Variants in DLG2 observed in about 807,000 individuals in gnomAD.
The protein encoded by DLG2 is discs large MAGUK scaffold protein 2, also known as disks large homolog 2.
DLG2 carries 45 observed loss-of-function variants against 132.5 expected under a neutral mutation model. The observed-to-expected ratio is 0.34, with a 90% confidence interval of 0.27 to 0.44. The LOEUF (loss-of-function observed/expected upper bound fraction) is 0.44. Among genes scored for constraint, DLG2 ranks in the 20% least tolerant of loss-of-function variants. The pLI is 1.00. For missense variants in DLG2, 1,045 were observed against 1,196.9 expected, an observed-to-expected ratio of 0.87 and a Z score of 1.87; for synonymous variants, 424 against 419.6, an observed-to-expected ratio of 1.01 and a Z score of -0.13.
At chr11:85,048,103 CT>C (rs984434132) in intron 6 of DLG2, among the ~76,000 whole-genome samples, 39 of 151,696 alleles carry the variant, frequency 2.6e-4, no homozygotes, top group African/African-American at 9.2e-4. Flanking sequence ...AGAGCAATAC[CT>C]TTTTTTGACC....
chr11:83,481,401 G>A (rs1467901969), intron 22 of DLG2, among the ~76,000 whole-genome samples: 2 of 151,720 alleles, frequency 1.3e-5, no homozygotes, highest in African/African-American at 4.8e-5. Flanking sequence ...GTGACTATTT[G>A]ATTTCTGAAG....
intron 13 of DLG2, among the ~76,000 whole-genome samples, chr11:83,963,510 T>G (rs2089409716): frequency 1.3e-5 from 2 of 151,894 alleles, no homozygotes; most frequent in Non-Finnish European, 2.9e-5. Flanking sequence ...TCATTCCTCC[T>G]TCCTAATGTA....
intron 6 of DLG2, among the ~76,000 whole-genome samples, chr11:84,987,732 C>T (rs1663126309): frequency 6.6e-6 from 1 of 152,136 alleles, no homozygotes; most frequent in African/African-American, 2.4e-5. Flanking sequence ...GAGAATGAAA[C>T]TGGATCCTCA....
At chr11:83,934,369 A>G (rs1352015917) in intron 14 of DLG2, among the ~76,000 whole-genome samples, 1 of 152,174 alleles carries the variant, frequency 6.6e-6, no homozygotes, top group African/African-American at 2.4e-5. Flanking sequence ...TATTTTGTTC[A>G]TTATAAATTC....
At chr11:83,556,886 A>G (rs1183195797) in intron 19 of DLG2, among the ~76,000 whole-genome samples, 1 of 152,214 alleles carries the variant, frequency 6.6e-6, no homozygotes, top group East Asian at 1.9e-4. Flanking sequence ...AACCAGAGGT[A>G]AAAGGCATTC....
intron 11 of DLG2, among the ~76,000 whole-genome samples, chr11:84,033,755 C>T (rs1250111330): frequency 7.2e-5 from 11 of 152,154 alleles, no homozygotes; most frequent in Admixed American, 3.3e-4. Context: ...TTGCCACAGC[C>T]GGGCCGGGCG....
At chr11:83,910,513 G>A (rs1385029207) in intron 15 of DLG2, among the ~76,000 whole-genome samples, 1 of 152,072 alleles carries the variant, frequency 6.6e-6, no homozygotes, top group Non-Finnish European at 1.5e-5. Context: ...ATGGTAGAAT[G>A]ACTGCATTTA....
chr11:84,575,412 T>C (rs1322245495), intron 6 of DLG2, among the ~76,000 whole-genome samples: 1 of 152,136 alleles, frequency 6.6e-6, no homozygotes. Flanking sequence ...TCAAACTTAG[T>C]TCCAACATGG....
At chr11:83,805,113 C>A (rs914019661) in intron 17 of DLG2, among the ~76,000 whole-genome samples, 2 of 152,072 alleles carry the variant, frequency 1.3e-5, no homozygotes, top group African/African-American at 4.8e-5. Context: ...ACATGGACCA[C>A]CAGATCTCTT....
chr11:83,960,636 ATTT>A (rs34317339), intron 14 of DLG2, among the ~76,000 whole-genome samples: 20,374 of 146,062 alleles, frequency 0.14, 1,705 homozygotes, highest in African/African-American at 0.23. Flanking sequence ...TGATTTACAC[ATTT>A]TTTTTTTTTG....
chr11:85,094,419 T>C (rs971393114), intron 6 of DLG2, among the ~76,000 whole-genome samples: 3 of 152,220 alleles, frequency 2.0e-5, no homozygotes, highest in African/African-American at 7.2e-5. Flanking sequence ...CTTCTTTCAT[T>C]AGAAGACTTT....
chr11:85,045,497 C>A (rs553417459), intron 6 of DLG2, among the ~76,000 whole-genome samples: 2 of 152,018 alleles, frequency 1.3e-5, no homozygotes, highest in South Asian at 4.2e-4. Flanking sequence ...CCTAAATTTT[C>A]ATTACTGTAA....
intron 7 of DLG2, among the ~76,000 whole-genome samples, chr11:84,512,031 T>C (rs910978168): frequency 4.6e-5 from 7 of 152,162 alleles, no homozygotes; most frequent in African/African-American, 1.7e-4. Context: ...AAACTTAGTT[T>C]TGAATTCCTC....
At chr11:85,350,205 G>A (rs375441463) in intron 3 of DLG2, among the ~76,000 whole-genome samples, 36 of 152,182 alleles carry the variant, frequency 2.4e-4, no homozygotes, top group East Asian at 9.6e-4. Flanking sequence ...CTACATAGAC[G>A]TCTTCTTTTG....
intron 3 of DLG2, among the ~76,000 whole-genome samples, chr11:85,357,607 C>CTGAATAA (rs1398431203): frequency 7.1e-6 from 1 of 140,704 alleles, no homozygotes; most frequent in East Asian, 2.1e-4. Flanking sequence ...TCAATAGTGG[C>CTGAATAA]TAAATTTATT....
chr11:83,588,293 G>C (rs1318774113), intron 19 of DLG2, among the ~76,000 whole-genome samples: 2 of 150,418 alleles, frequency 1.3e-5, no homozygotes, highest in East Asian at 1.9e-4. Flanking sequence ...ATCTGAGAAC[G>C]GGCAGACTGC....
intron 3 of DLG2, among the ~76,000 whole-genome samples, chr11:85,502,989 T>TA (rs935286394): frequency 6.6e-6 from 1 of 151,850 alleles, no homozygotes; most frequent in Non-Finnish European, 1.5e-5. Context: ...TATATACCAA[T>TA]AAAAAATGAA....
At chr11:83,513,792 T>G (rs533302618) in intron 21 of DLG2, among the ~76,000 whole-genome samples, 37 of 152,344 alleles carry the variant, frequency 2.4e-4, no homozygotes, top group African/African-American at 8.7e-4. Context: ...GGGAATCCTT[T>G]CCCCATTTCT....
intron 3 of DLG2, among the ~76,000 whole-genome samples, chr11:85,470,754 A>G (rs1456590556): frequency 5.3e-5 from 8 of 152,200 alleles, no homozygotes; most frequent in Non-Finnish European, 8.8e-5. Context: ...GAATATTTTC[A>G]TGTTACTAGA....
Sources: gnomAD v4.1 joint callset for allele counts (sites outside exome capture counted in the v4.1 genomes callset) on GRCh38, gnomAD v4.1.1 for gene constraint, MANE v1.5 for transcripts, NCBI Gene and HGNC (gene_info 2026-07-23, HGNC 2026-07-21) for gene names.